NLGN1: variants seen among roughly 807,000 people sequenced by gnomAD.
NLGN1 encodes the protein neuroligin-1.
In NLGN1, 12 loss-of-function variants were observed where a neutral mutation model predicts 65.5. That is an observed-to-expected ratio of 0.18 (90% CI 0.12 to 0.30). The LOEUF is 0.30. Ranked by LOEUF, NLGN1 falls within the 10% of genes least tolerant of loss-of-function variation. NLGN1 has a pLI of 1.00. For synonymous variants in NLGN1, 350 were observed against 359.5 expected, an observed-to-expected ratio of 0.97 and a Z score of 0.30; for missense variants, 750 against 1,007.1, an observed-to-expected ratio of 0.74 and a Z score of 3.46.
At chr3:174,017,055 C>T (rs935566394) in intron 4 of NLGN1, among the ~76,000 whole-genome samples, 5 of 152,148 alleles carry the variant, frequency 3.3e-5, no homozygotes, top group African/African-American at 9.7e-5. Context: ...AGTGTGTGAT[C>T]ATAGTACACA....
At chr3:174,281,321 A>G (rs773176943) in exon 7 of NLGN1, 1 of 1,544,976 alleles carries the variant, frequency 6.5e-7, no homozygotes, top group South Asian at 1.2e-5. Context: ...AGAGAAACAA[A>G]CTATTTTTTT....
chr3:174,006,038 A>C (rs1211354659), intron 4 of NLGN1, among the ~76,000 whole-genome samples: 1 of 151,932 alleles, frequency 6.6e-6, no homozygotes, highest in South Asian at 2.1e-4. Context: ...ACCCCCTCCA[A>C]ACCTAACAGG....
intron 4 of NLGN1, among the ~76,000 whole-genome samples, chr3:174,076,724 A>AGAGAGTGT (rs1491274049): frequency 2.3e-4 from 19 of 82,038 alleles, no homozygotes; most frequent in Non-Finnish European, 4.3e-4. Context: ...AGAGAGAGAG[A>AGAGAGTGT]GTGTGTGTGT....
At chr3:173,444,594 G>T (rs1719827724) in intron 2 of NLGN1, among the ~76,000 whole-genome samples, 1 of 151,998 alleles carries the variant, frequency 6.6e-6, no homozygotes, top group African/African-American at 2.4e-5. Context: ...TATTTAATTT[G>T]GTTCCTTGAA....
At chr3:173,861,770 A>C (rs1729156565) in intron 4 of NLGN1, among the ~76,000 whole-genome samples, 1 of 151,678 alleles carries the variant, frequency 6.6e-6, no homozygotes, top group Non-Finnish European at 1.5e-5. Flanking sequence ...TTATTTATTT[A>C]TTTATTGAGA....
chr3:173,611,735 CAGAG>C (rs1241550969), intron 3 of NLGN1, among the ~76,000 whole-genome samples: 1 of 152,076 alleles, frequency 6.6e-6, no homozygotes, highest in East Asian at 1.9e-4. Context: ...TACTGACAGA[CAGAG>C]ACAGTCTCCT....
At chr3:173,889,294 A>T (rs1734906012) in intron 4 of NLGN1, among the ~76,000 whole-genome samples, 1 of 152,092 alleles carries the variant, frequency 6.6e-6, no homozygotes, top group South Asian at 2.1e-4. Flanking sequence ...CAAGACGGTT[A>T]TTGGGAGGAG....
rs1479645210 is a variant in NLGN1 at position 173,672,939 on chromosome 3, TTAAGCC to T, written c.493+67850_493+67855del. Among the ~76,000 whole-genome samples, 29 of 152,296 alleles carry T rather than the reference TTAAGCC, an allele frequency of 1.9e-4. No individual in the cohort carries two copies. The Middle Eastern group carries it at 0.01, about 54-fold the overall frequency. Reference sequence around the variant, plus strand: ...GGAGTCACTGTAGGTTTTTGCTGGTTTAAGCCTTGTCAATAAACAATTGCTCTCTCA... The same window carrying T: ...GGAGTCACTGTAGGTTTTTGCTGGTTTTGTCAATAAACAATTGCTCTCTCA... On this transcript the variant is annotated intron_variant, in intron 3 of 6. Coordinates refer to ENST00000457714, the Ensembl canonical transcript of NLGN1.
intron 2 of NLGN1, among the ~76,000 whole-genome samples, chr3:173,558,497 T>C (rs1742099403): frequency 6.6e-6 from 1 of 152,156 alleles, no homozygotes; most frequent in Non-Finnish European, 1.5e-5. Flanking sequence ...AACTCTTTCA[T>C]TTTTTAGCAA....
At chr3:173,806,213 G>T (rs1468464640) in intron 3 of NLGN1, among the ~76,000 whole-genome samples, 1 of 152,132 alleles carries the variant, frequency 6.6e-6, no homozygotes, top group Non-Finnish European at 1.5e-5. Context: ...AAGCTGAGCT[G>T]CAATCCTTGA....
intron 4 of NLGN1, among the ~76,000 whole-genome samples, chr3:174,155,892 C>T (rs1725353565): frequency 6.6e-6 from 1 of 151,890 alleles, no homozygotes; most frequent in Non-Finnish European, 1.5e-5. Context: ...AGAGCAAGGA[C>T]ATAAAGTTAT....
At chr3:173,561,645 T>A (rs1742751460) in intron 2 of NLGN1, among the ~76,000 whole-genome samples, 1 of 152,292 alleles carries the variant, frequency 6.6e-6, no homozygotes, top group East Asian at 1.9e-4. Flanking sequence ...AAATATTAGT[T>A]AAAGACTTTT....
exon 7 of NLGN1, chr3:174,285,320 A>G (rs1395782145): frequency 6.6e-6 from 1 of 151,450 alleles, no homozygotes; most frequent in Non-Finnish European, 1.5e-5. Flanking sequence ...ATTAGTTGTT[A>G]TAGACTATCA....
intron 2 of NLGN1, among the ~76,000 whole-genome samples, chr3:173,588,794 T>C (rs1216743958): frequency 6.6e-6 from 1 of 152,222 alleles, no homozygotes; most frequent in Non-Finnish European, 1.5e-5. Flanking sequence ...GCAGGCAGTC[T>C]GTCATCCTGA....
chr3:174,062,232 G>T (rs1465284566), intron 4 of NLGN1, among the ~76,000 whole-genome samples: 1 of 152,080 alleles, frequency 6.6e-6, no homozygotes, highest in Non-Finnish European at 1.5e-5. Flanking sequence ...TGAAGCTTGG[G>T]AGTGAGGGAC....
chr3:173,803,931 T>G (rs2150424428), intron 3 of NLGN1, among the ~76,000 whole-genome samples: 1 of 152,248 alleles, frequency 6.6e-6, no homozygotes, highest in South Asian at 2.1e-4. Context: ...TCATGAGTCC[T>G]TTAAGACAAA....
chr3:173,688,231 C>T (rs115666562), intron 3 of NLGN1, among the ~76,000 whole-genome samples: 1,601 of 152,246 alleles, frequency 0.011, 35 homozygotes, highest in African/African-American at 0.036. Flanking sequence ...ACCGTTAAGC[C>T]AATTGTGAGT....
At chr3:173,576,710 C>T (rs1249084205) in intron 2 of NLGN1, among the ~76,000 whole-genome samples, 1 of 152,068 alleles carries the variant, frequency 6.6e-6, no homozygotes, top group East Asian at 1.9e-4. Context: ...TCTCAAGATC[C>T]TCAATTTAAT....
intron 4 of NLGN1, among the ~76,000 whole-genome samples, chr3:173,990,135 C>T (rs1288544510): frequency 6.6e-6 from 1 of 152,170 alleles, no homozygotes; most frequent in Non-Finnish European, 1.5e-5. Flanking sequence ...ACACCATACT[C>T]TGTTGGGTGA....
Sources: gnomAD v4.1 joint callset for allele counts (sites outside exome capture counted in the v4.1 genomes callset) on GRCh38, gnomAD v4.1.1 for gene constraint, MANE v1.5 for transcripts, NCBI Gene and HGNC (gene_info 2026-07-23, HGNC 2026-07-21) for gene names.